Variants in UVRAG observed in about 807,000 individuals in gnomAD.
UVRAG encodes UV radiation resistance associated, also known as UV radiation resistance-associated gene protein.
A neutral mutation model predicts 78.0 loss-of-function variants in UVRAG; 19 were observed. The ratio of observed to expected loss-of-function variants is 0.24; its 90% CI spans 0.17 to 0.36. UVRAG has a LOEUF of 0.36. Among genes scored for constraint, UVRAG ranks in the 10% least tolerant of loss-of-function variants. UVRAG has a pLI of 1.00. For missense variants in UVRAG, 740 were observed against 853.8 expected (o/e 0.87, Z 1.66); for synonymous variants, 323 against 324.6 (o/e 1.00, Z 0.05).
At chr11:76,033,064 A>G (rs1485584924) in intron 12 of UVRAG, among the ~76,000 whole-genome samples, 1 of 152,220 alleles carries the variant, frequency 6.6e-6, no homozygotes, top group Non-Finnish European at 1.5e-5. Flanking sequence ...TTTGATTTAA[A>G]CAGAGTTTCT....
chr11:75,830,610 A>G (rs1945634769), intron 1 of UVRAG, among the ~76,000 whole-genome samples: 1 of 152,150 alleles, frequency 6.6e-6, no homozygotes, highest in Admixed American at 6.6e-5. Context: ...AAGACTTGTT[A>G]TAAGGCTGGT....
chr11:75,855,178 T>C (rs1590937520), intron 2 of UVRAG, among the ~76,000 whole-genome samples: 1 of 152,236 alleles, frequency 6.6e-6, no homozygotes, highest in African/African-American at 2.4e-5. Flanking sequence ...TTGTTTTTTC[T>C]CTCTTCCAGC....
At chr11:75,977,880 A>T (rs979361770) in intron 7 of UVRAG, among the ~76,000 whole-genome samples, 4 of 152,114 alleles carry the variant, frequency 2.6e-5, no homozygotes, top group Non-Finnish European at 1.5e-5. Flanking sequence ...CTTAAGGTTA[A>T]TATTGTTACG....
intron 5 of UVRAG, among the ~76,000 whole-genome samples, chr11:75,902,080 C>T (rs1284191387): frequency 6.6e-6 from 1 of 152,212 alleles, no homozygotes; most frequent in African/African-American, 2.4e-5. Context: ...TAGTGCTTAG[C>T]ACTGTGTCTG....
intron 5 of UVRAG, among the ~76,000 whole-genome samples, chr11:75,894,900 G>A (rs1319034980): frequency 6.6e-6 from 1 of 151,888 alleles, no homozygotes; most frequent in Non-Finnish European, 1.5e-5. Context: ...TGTCAACTTG[G>A]TAGGTAACAG....
At chr11:76,044,514 G>C (rs1950709288) in intron 12 of UVRAG, among the ~76,000 whole-genome samples, 1 of 152,244 alleles carries the variant, frequency 6.6e-6, no homozygotes, top group African/African-American at 2.4e-5. Flanking sequence ...GCTCACGGCT[G>C]TAATCCCAGC....
At chr11:75,835,107 A>G (rs1945748493) in intron 1 of UVRAG, 1 of 152,238 alleles carries the variant, frequency 6.6e-6, no homozygotes, top group Non-Finnish European at 1.5e-5. Context: ...ACTGTTCACT[A>G]TATCCTCTTA....
intron 12 of UVRAG, among the ~76,000 whole-genome samples, chr11:76,021,601 A>G (rs1243704519): frequency 6.6e-6 from 1 of 152,142 alleles, no homozygotes; most frequent in Non-Finnish European, 1.5e-5. Flanking sequence ...AAAGATGGCA[A>G]CTTAGGTTAA....
At chr11:75,824,915 C>T (rs10899137) in intron 1 of UVRAG, among the ~76,000 whole-genome samples, 18,009 of 152,008 alleles carry the variant, frequency 0.12, 1,206 homozygotes, top group East Asian at 0.23. Flanking sequence ...CTTCATGATA[C>T]GCCTGCCTCG....
chr11:75,988,182 T>G (rs1949538076), intron 8 of UVRAG, among the ~76,000 whole-genome samples: 1 of 152,242 alleles, frequency 6.6e-6, no homozygotes, highest in Non-Finnish European at 1.5e-5. Flanking sequence ...TTTGATGAGT[T>G]TAGCTAATGT....
intron 8 of UVRAG, among the ~76,000 whole-genome samples, chr11:75,984,686 C>G (rs921893796): frequency 6.6e-5 from 10 of 152,234 alleles, no homozygotes; most frequent in African/African-American, 2.4e-4. Context: ...CTAGCCACTG[C>G]CAAGACTCAA....
chr11:75,847,568 G>A (rs1946062347), intron 1 of UVRAG, among the ~76,000 whole-genome samples: 1 of 152,146 alleles, frequency 6.6e-6, no homozygotes, highest in Non-Finnish European at 1.5e-5. Context: ...CACTGTGCCT[G>A]GCTCTGGAAT....
intron 1 of UVRAG, among the ~76,000 whole-genome samples, chr11:75,829,272 G>T (rs538494727): frequency 9.9e-5 from 15 of 152,206 alleles, no homozygotes; most frequent in African/African-American, 3.6e-4. Flanking sequence ...GCAAATTAGT[G>T]CATTTTTTAA....
At chr11:76,076,343 A>G (rs1018012782) in intron 13 of UVRAG, among the ~76,000 whole-genome samples, 10 of 152,230 alleles carry the variant, frequency 6.6e-5, no homozygotes, top group South Asian at 2.1e-4. Context: ...CGATCATGGT[A>G]GAAGGCAAAG....
intron 12 of UVRAG, among the ~76,000 whole-genome samples, chr11:76,051,252 G>A (rs1030010103): frequency 1.3e-5 from 2 of 151,590 alleles, no homozygotes; most frequent in Non-Finnish European, 2.9e-5. Context: ...TGTGGATTTG[G>A]TGTTTTTTTT....
In UVRAG at chr11:76,140,738, C is replaced by A. The variant is rs1216853231; in HGVS notation, c.1425C>A (p.Ile475=). ...RCDRHHTSSA[I]PVPKRQSSIF... ...ACAGACATCACACCTCCAGTGCAAT[C>A]CCTGTTCCTAAGAGACAAAGCTCCA... The change falls in exon 15 of 15, where the codon ATC becomes ATA. Residue 475 remains isoleucine, a synonymous_variant. Coordinates refer to ENST00000356136, the MANE Select transcript of UVRAG (RefSeq NM_003369.4). The A allele has an allele frequency of 6.2e-7, 1 of 1,602,848 alleles. No homozygotes were observed. The highest frequency in any genetic ancestry group is 1.3e-5 in the African/African-American group (1 of 74,314).
At chr11:75,947,574 T>C in intron 6 of UVRAG, among the ~76,000 whole-genome samples, 1 of 152,188 alleles carries the variant, frequency 6.6e-6, no homozygotes, top group East Asian at 1.9e-4. Flanking sequence ...AGGTTTAACC[T>C]AAATAATGTG....
chr11:75,985,327 T>A (rs2135282579), intron 8 of UVRAG, among the ~76,000 whole-genome samples: 1 of 152,204 alleles, frequency 6.6e-6, no homozygotes, highest in South Asian at 2.1e-4. Context: ...ACATTTCATA[T>A]GCTTCTTGCT....
At chr11:76,024,994 T>C (rs1010038558) in intron 12 of UVRAG, among the ~76,000 whole-genome samples, 1 of 152,218 alleles carries the variant, frequency 6.6e-6, no homozygotes, top group African/African-American at 2.4e-5. Context: ...CATCTGGCTA[T>C]TGGCACTTGA....
Sources: allele counts gnomAD v4.1 joint callset (sites outside exome capture counted in the v4.1 genomes callset), GRCh38; gene constraint gnomAD v4.1.1; transcripts MANE v1.5; gene names NCBI Gene and HGNC (gene_info 2026-07-23, HGNC 2026-07-21).